The following CDH4 variants were observed in gnomAD, a reference collection of about 807,000 sequenced individuals.
CDH4 encodes cadherin 4.
CDH4 carries 33 observed loss-of-function variants against 86.0 expected under a neutral mutation model. That is an observed-to-expected ratio of 0.38 (90% CI 0.29 to 0.51). The LOEUF is 0.51. Ranked by LOEUF, CDH4 falls within the 20% of genes least tolerant of loss-of-function variation. The probability of loss-of-function intolerance (pLI) is 0.86; values close to 1 mark genes in which losing one functional copy is unlikely to be tolerated. For missense variants in CDH4, 1,114 were observed against 1,307.4 expected (o/e 0.85, Z 2.28); for synonymous variants, 555 against 549.4 (o/e 1.01, Z -0.14).
intron 4 of CDH4, among the ~76,000 whole-genome samples, chr20:61,841,032 C>T (rs192492449): frequency 1.5e-3 from 231 of 152,320 alleles, no homozygotes; most frequent in African/African-American, 5.1e-3. Flanking sequence ...GGGATTGATT[C>T]GCCCAAAACT....
intron 2 of CDH4, among the ~76,000 whole-genome samples, chr20:61,692,195 G>A (rs533341886): frequency 1.1e-4 from 16 of 149,864 alleles, no homozygotes; most frequent in African/African-American, 3.8e-4. Flanking sequence ...GTCTGTATAT[G>A]TTTGTGTGTA....
intron 2 of CDH4, among the ~76,000 whole-genome samples, chr20:61,715,389 G>A (rs2087941933): frequency 2.0e-5 from 3 of 152,296 alleles, no homozygotes; most frequent in South Asian, 4.2e-4. Flanking sequence ...CAGTTCTGGA[G>A]GCTGGGAAGT....
intron 15 of CDH4, 103 bp downstream of exon 15, chr20:61,934,323 C>T (rs1006951468): frequency 3.8e-5 from 49 of 1,306,336 alleles, no homozygotes; most frequent in Non-Finnish European, 4.7e-5. Context: ...CGGCGGCTGC[C>T]GTGGGTGGGA....
chr20:61,905,102 A>G (rs963012360), intron 8 of CDH4, among the ~76,000 whole-genome samples: 5 of 152,214 alleles, frequency 3.3e-5, no homozygotes, highest in African/African-American at 1.2e-4. Context: ...TCTCGGCAAC[A>G]AATTCCATTC....
intron 2 of CDH4, among the ~76,000 whole-genome samples, chr20:61,421,546 T>C (rs1221705036): frequency 1.3e-5 from 2 of 152,096 alleles, no homozygotes. Context: ...CTGAACGGAA[T>C]CAAGGGGCCT....
At chr20:61,273,259 A>G (rs1340469738) in intron 2 of CDH4, among the ~76,000 whole-genome samples, 1 of 116,100 alleles carries the variant, frequency 8.6e-6, no homozygotes, top group African/African-American at 3.5e-5. Flanking sequence ...AGTTTAGGGG[A>G]GTACCGTGTG....
At position 61,510,587 on chromosome 20, in the gene CDH4, C is replaced by CT. The variant is rs2085772429; in HGVS notation, c.170-232975dup. Among the ~76,000 whole-genome samples, 3 of 152,128 alleles carry CT rather than the reference C, an allele frequency of 2.0e-5. No homozygotes were observed. The South Asian group carries it at 6.2e-4, about 32-fold the overall frequency. ...TCGGGGGTGATGACCGACCTCAGGA[C>CT]TAGGTAGCTCCCATTACTGCTTGGT... On this transcript the variant is annotated intron_variant, in intron 2 of 15. Coordinates refer to ENST00000614565, the MANE Select transcript of CDH4 (RefSeq NM_001794.5). The surrounding 1 kb of genome is among the most constrained non-coding windows in gnomAD (Gnocchi z 4.2).
rs138602319 is a variant in CDH4, at chr20:61,918,307, G to A, written c.1375-5144G>A. On this transcript the variant is annotated intron_variant, in intron 9 of 15. Coordinates refer to ENST00000614565, the MANE Select transcript of CDH4 (RefSeq NM_001794.5). ...TTGCAGTCAGCTTGGGCTGTGGAAG[G>A]TTCTGCAGGGTGACAGCTGCAGGTG... is the stretch of plus-strand genomic sequence containing the variant. Among the ~76,000 whole-genome samples, 1,139 of 152,328 alleles carry A rather than the reference G, an allele frequency of 7.5e-3. 21 individuals carry two copies. The highest frequency in any genetic ancestry group is 0.026 in the African/African-American group (1,075 of 41,558).
chr20:61,647,548 T>TCTCTCTCTCTCTCTCTCTCTCC (rs1555818888), intron 2 of CDH4, among the ~76,000 whole-genome samples: 5 of 108,482 alleles, frequency 4.6e-5, no homozygotes, highest in African/African-American at 1.6e-4. Context: ...TCCCTCTCCC[T>TCTCTCTCTCTCTCTCTCTCTCC]CTCCCTCTCC....
rs6121982 is a variant in CDH4 at position 61,462,501 on chromosome 20, C to T, written c.169+207564C>T. On this transcript the variant is annotated intron_variant, in intron 2 of 15. Coordinates refer to ENST00000614565, the MANE Select transcript of CDH4 (RefSeq NM_001794.5). ...ATCCTGAGGATTCCTGCATCATCTTCTGCCTGTACCAAAAATAACAAAATA... is the reference window on the plus strand; with the variant it reads ...ATCCTGAGGATTCCTGCATCATCTTTTGCCTGTACCAAAAATAACAAAATA... Among the ~76,000 whole-genome samples, 1,407 of 152,292 alleles carry T rather than the reference C, an allele frequency of 9.2e-3. 24 individuals carry two copies. Among genetic ancestry groups the T allele is most frequent in the African/African-American group, 0.033 (1,369 of 41,552 alleles).
chr20:61,895,167 G>T, intron 8 of CDH4, 120 bp downstream of exon 8: 1 of 1,221,868 alleles, frequency 8.2e-7, no homozygotes, highest in Non-Finnish European at 1.2e-6. Context: ...CAGATAGCGT[G>T]TAAGAAAGGC....
At chr20:61,439,238 T>TTC (rs1568845351) in intron 2 of CDH4, among the ~76,000 whole-genome samples, 8 of 151,952 alleles carry the variant, frequency 5.3e-5, no homozygotes, top group African/African-American at 1.5e-4. Context: ...GTGTGCGTTT[T>TTC]GGTTGTGCTG....
chr20:61,503,365 G>C (rs1027780724), intron 2 of CDH4, among the ~76,000 whole-genome samples: 7 of 152,176 alleles, frequency 4.6e-5, no homozygotes, highest in African/African-American at 1.4e-4. Context: ...TTTCAAAAAA[G>C]GACAAGGGAA....
chr20:61,719,102 T>C (rs998795288), intron 2 of CDH4: 1 of 471,054 alleles, frequency 2.1e-6, no homozygotes, highest in Admixed American at 2.3e-5. Context: ...CAAAATCGTA[T>C]CCCAGCCTCT....
intron 2 of CDH4, among the ~76,000 whole-genome samples, chr20:61,416,731 C>T (rs1434894858): frequency 6.6e-6 from 1 of 152,238 alleles, no homozygotes; most frequent in Non-Finnish European, 1.5e-5. Context: ...GGCACAGGCC[C>T]GCCCCTTGAC....
chr20:61,441,719 C>A (rs75043510), intron 2 of CDH4, among the ~76,000 whole-genome samples: 1 of 152,162 alleles, frequency 6.6e-6, no homozygotes, highest in Non-Finnish European at 1.5e-5. Context: ...TCAATAGACA[C>A]CAAATCTGCT....
At chr20:61,726,072 C>A (rs1173533795) in intron 2 of CDH4, among the ~76,000 whole-genome samples, 1 of 152,070 alleles carries the variant, frequency 6.6e-6, no homozygotes. Flanking sequence ...GGAGCCAGCC[C>A]CCAGCCACCA....
At position 61,852,905 on chromosome 20, in the gene CDH4, C is replaced by A. The variant is rs141197099; in HGVS notation, c.877+7C>A. 339 of 1,613,434 alleles carry A rather than the reference C, an allele frequency of 2.1e-4. No homozygotes were observed. Among genetic ancestry groups the A allele is most frequent in the Non-Finnish European group, 2.7e-4 (323 of 1,179,644 alleles). ...GACGAGGGCTCCAAGCCAGGTGAGG[C>A]CTTTAGCGTTTGCTTGCTGGAGACC... On this transcript the variant is annotated splice_region_variant and intron_variant, in intron 6 of 15. Coordinates refer to ENST00000614565, the MANE Select transcript of CDH4 (RefSeq NM_001794.5).
At chr20:61,814,791 G>A (rs112229584) in intron 4 of CDH4, among the ~76,000 whole-genome samples, 57 of 152,310 alleles carry the variant, frequency 3.7e-4, no homozygotes, top group East Asian at 2.3e-3. Context: ...CAGTGCTCAC[G>A]GTATTCGTGG....
Sources: gnomAD v4.1 joint callset for allele counts (sites outside exome capture counted in the v4.1 genomes callset) on GRCh38, gnomAD v4.1.1 for gene constraint, Gnocchi (gnomAD v3.1) non-coding constraint, MANE v1.5 for transcripts, NCBI Gene and HGNC (gene_info 2026-07-23, HGNC 2026-07-21) for gene names.